The following TMEM132D variants were observed in gnomAD, a reference collection of about 807,000 sequenced individuals.
TMEM132D encodes transmembrane protein 132D.
Under a neutral mutation model 62.3 loss-of-function variants are expected in TMEM132D, and 21 were observed. That is an observed-to-expected ratio of 0.34 (90% CI 0.24 to 0.49). The LOEUF is 0.49. Among genes scored for constraint, TMEM132D ranks in the 20% least tolerant of loss-of-function variants. The probability of loss-of-function intolerance (pLI) is 0.99; values close to 1 mark genes in which losing one functional copy is unlikely to be tolerated. For synonymous variants in TMEM132D, 621 were observed against 575.6 expected, an observed-to-expected ratio of 1.08 and a Z score of -1.13; for missense variants, 1,346 against 1,402.8, an observed-to-expected ratio of 0.96 and a Z score of 0.65.
At chr12:129,230,222 A>G (rs1182274107) in intron 4 of TMEM132D, among the ~76,000 whole-genome samples, 1 of 150,030 alleles carries the variant, frequency 6.7e-6, no homozygotes, top group African/African-American at 2.5e-5. Flanking sequence ...CTACTTCCCC[A>G]GCCTGGCCAT....
chr12:129,564,347 G>C (rs1877313414), intron 2 of TMEM132D, among the ~76,000 whole-genome samples: 1 of 152,174 alleles, frequency 6.6e-6, no homozygotes, highest in Admixed American at 6.5e-5. Flanking sequence ...ATGTTCATAA[G>C]ATCTGACAGA....
chr12:129,350,825 C>T (rs1869839908), intron 3 of TMEM132D, among the ~76,000 whole-genome samples: 1 of 152,186 alleles, frequency 6.6e-6, no homozygotes, highest in Admixed American at 6.5e-5. Context: ...TTAGCCCCTT[C>T]CCCTCCTATA....
chr12:129,303,952 T>C (rs967259582), intron 4 of TMEM132D, among the ~76,000 whole-genome samples: 6 of 152,182 alleles, frequency 3.9e-5, no homozygotes, highest in Non-Finnish European at 2.9e-5. Flanking sequence ...AAATTCACCC[T>C]GCCTCCACCT....
At chr12:129,294,459 A>G (rs897473694) in intron 4 of TMEM132D, among the ~76,000 whole-genome samples, 3 of 147,746 alleles carry the variant, frequency 2.0e-5, no homozygotes, top group Non-Finnish European at 4.5e-5. Flanking sequence ...CCCATGCTTA[A>G]CACAGGGCCT....
intron 3 of TMEM132D, among the ~76,000 whole-genome samples, chr12:129,388,298 A>G (rs1351804735): frequency 8.1e-6 from 1 of 123,144 alleles, no homozygotes; most frequent in Non-Finnish European, 1.9e-5. Flanking sequence ...TGATGATAAT[A>G]TTAACACTAA....
At chr12:129,561,203 C>G (rs1566110363) in intron 2 of TMEM132D, among the ~76,000 whole-genome samples, 1 of 152,166 alleles carries the variant, frequency 6.6e-6, no homozygotes, top group Non-Finnish European at 1.5e-5. Context: ...AGTCTATGAC[C>G]TTATCATCCT....
At chr12:129,768,630 C>T (rs1433906379) in intron 1 of TMEM132D, among the ~76,000 whole-genome samples, 2 of 152,092 alleles carry the variant, frequency 1.3e-5, no homozygotes, top group Non-Finnish European at 2.9e-5. Flanking sequence ...TTCAAGACCT[C>T]CCAATGACAG....
intron 3 of TMEM132D, among the ~76,000 whole-genome samples, chr12:129,370,805 C>T (rs904317062): frequency 2.0e-5 from 3 of 152,112 alleles, no homozygotes; most frequent in African/African-American, 7.2e-5. Context: ...TGTGTTCTCA[C>T]TCATGTGGGA....
chr12:129,534,809 G>A (rs950592207), intron 2 of TMEM132D, among the ~76,000 whole-genome samples: 4 of 152,168 alleles, frequency 2.6e-5, no homozygotes, highest in African/African-American at 9.7e-5. Flanking sequence ...ACCCAGCCTT[G>A]TGGCCCTGCT....
chr12:129,403,188 T>A (rs1199583454), intron 3 of TMEM132D, among the ~76,000 whole-genome samples: 1 of 150,930 alleles, frequency 6.6e-6, no homozygotes, highest in Non-Finnish European at 1.5e-5. Context: ...AGAGGTCCCA[T>A]GACTTGAGTA....
In TMEM132D at chr12:129,671,594, A is replaced by T. The variant is rs145500917; in HGVS notation, c.968+28216T>A. 2.5e-3 allele frequency among the ~76,000 whole-genome samples: 385 copies of T among 152,200 alleles called. 1 individual carries two copies. Among genetic ancestry groups the T allele is most frequent in the African/African-American group, 8.8e-3 (367 of 41,528 alleles). ...AGGGCAGCTATATGGAAAAGATAAGATGAGGAGGGCTGAAGCGTTTTTGAA... is the reference window on the plus strand; with the variant it reads ...AGGGCAGCTATATGGAAAAGATAAGTTGAGGAGGGCTGAAGCGTTTTTGAA... On this transcript the variant is annotated intron_variant, in intron 2 of 8. Transcript: ENST00000422113.
intron 3 of TMEM132D, among the ~76,000 whole-genome samples, chr12:129,454,830 C>A (rs1593016405): frequency 1.3e-5 from 2 of 152,156 alleles, no homozygotes; most frequent in East Asian, 1.9e-4. Context: ...CCATTACAAT[C>A]CAAGATGGCA....
At chr12:129,533,819 T>C (rs889229533) in intron 2 of TMEM132D, among the ~76,000 whole-genome samples, 13 of 152,236 alleles carry the variant, frequency 8.5e-5, no homozygotes, top group African/African-American at 3.1e-4. Flanking sequence ...ACACAGAACA[T>C]TTTCATAATA....
At chr12:129,871,397 C>T (rs572047851) in intron 1 of TMEM132D, among the ~76,000 whole-genome samples, 3 of 152,054 alleles carry the variant, frequency 2.0e-5, no homozygotes, top group South Asian at 2.1e-4. Flanking sequence ...GAGGGTGTCT[C>T]GATGACATAT....
chr12:129,359,018 A>G (rs1373916362), intron 3 of TMEM132D, among the ~76,000 whole-genome samples: 1 of 152,162 alleles, frequency 6.6e-6, no homozygotes, highest in Non-Finnish European at 1.5e-5. Flanking sequence ...CCAAAGGTGA[A>G]AACAACCTCT....
chr12:129,680,549 C>G (rs1186124691), intron 2 of TMEM132D, among the ~76,000 whole-genome samples: 1 of 152,112 alleles, frequency 6.6e-6, no homozygotes, highest in South Asian at 2.1e-4. Flanking sequence ...GGGATTGACA[C>G]AATGACAAGC....
At chr12:129,746,721 A>G (rs10773699) in intron 1 of TMEM132D, among the ~76,000 whole-genome samples, 145,564 of 152,118 alleles carry the variant, frequency 0.96, 69,942 homozygotes, top group Middle Eastern at 1. Flanking sequence ...AACCTTTTAT[A>G]CCCTACAGAA....
At chr12:129,822,882 C>T (rs1872574323) in intron 1 of TMEM132D, among the ~76,000 whole-genome samples, 1 of 152,152 alleles carries the variant, frequency 6.6e-6, no homozygotes, top group Non-Finnish European at 1.5e-5. Flanking sequence ...TTTCAGGAGA[C>T]AGAGATTCAC....
intron 1 of TMEM132D, among the ~76,000 whole-genome samples, chr12:129,791,865 A>G (rs12317107): frequency 0.09 from 13,706 of 152,140 alleles, 809 homozygotes; most frequent in East Asian, 0.24. Flanking sequence ...CCACAGACCT[A>G]TTTTCCAGGA....
Sources: allele counts gnomAD v4.1 joint callset (sites outside exome capture counted in the v4.1 genomes callset), GRCh38; gene constraint gnomAD v4.1.1; transcripts MANE v1.5; gene names NCBI Gene and HGNC (gene_info 2026-07-23, HGNC 2026-07-21).